DCLK2: variants seen among roughly 807,000 people sequenced by gnomAD.
The protein encoded by DCLK2 is doublecortin like kinase 2, also known as serine/threonine-protein kinase DCLK2.
Under a neutral mutation model 78.4 loss-of-function variants are expected in DCLK2, and 31 were observed. The observed-to-expected ratio is 0.40, with a 90% CI of 0.30 to 0.53. DCLK2 has a LOEUF of 0.53. DCLK2 is among the 20% of genes least tolerant of loss of function. The pLI is 0.61. For missense variants in DCLK2, 872 were observed against 973.7 expected, an observed-to-expected ratio of 0.90 and a Z score of 1.39; for synonymous variants, 407 against 374.9, an observed-to-expected ratio of 1.09 and a Z score of -0.99.
At chr4:150,160,804 T>C (rs542320801) in intron 2 of DCLK2, among the ~76,000 whole-genome samples, 4 of 152,208 alleles carry the variant, frequency 2.6e-5, no homozygotes, top group Non-Finnish European at 4.4e-5. Context: ...ATTTGTGTTA[T>C]TGGGTCATGG....
In DCLK2 at chr4:150,239,890, G is replaced by T; in HGVS notation, c.1700+15G>T. The stretch of plus-strand genomic sequence containing the variant: ...GCTGAAACTGGGTAAGACTTCTGGT[G>T]GCCCTGGTTAGTACTTTAACTTTGA... On this transcript the variant is annotated intron_variant, in intron 11 of 15. Transcript: ENST00000296550. The T allele has an allele frequency of 1.2e-6, 2 of 1,611,066 alleles. No individual in the cohort carries two copies. Among genetic ancestry groups the T allele is most frequent in the Non-Finnish European group, 1.7e-6 (2 of 1,179,090 alleles).
At chr4:150,137,166 T>C (rs1408275754) in intron 2 of DCLK2, among the ~76,000 whole-genome samples, 1 of 151,752 alleles carries the variant, frequency 6.6e-6, no homozygotes, top group Non-Finnish European at 1.5e-5. Flanking sequence ...CTTTAAATGG[T>C]GGCTGCAGCA....
chr4:150,101,913 C>T (rs888318138), intron 1 of DCLK2, among the ~76,000 whole-genome samples: 10 of 152,126 alleles, frequency 6.6e-5, no homozygotes, highest in Non-Finnish European at 1.2e-4. Context: ...CAGAACTCTT[C>T]CATAATGTTT....
At chr4:150,122,775 A>G (rs1412811115) in intron 2 of DCLK2, among the ~76,000 whole-genome samples, 1 of 152,214 alleles carries the variant, frequency 6.6e-6, no homozygotes, top group Non-Finnish European at 1.5e-5. Context: ...TGTTTAATGT[A>G]TACACCTTCA....
chr4:150,226,945 G>T (rs1741666989), intron 8 of DCLK2, among the ~76,000 whole-genome samples: 1 of 152,120 alleles, frequency 6.6e-6, no homozygotes, highest in Admixed American at 6.5e-5. Context: ...GCTATATACA[G>T]AAAATTAATA....
chr4:150,164,898 A>G (rs1430760345), intron 2 of DCLK2, among the ~76,000 whole-genome samples: 1 of 152,238 alleles, frequency 6.6e-6, no homozygotes, highest in Non-Finnish European at 1.5e-5. Flanking sequence ...ATATCATTGT[A>G]TAGGGTGAAA....
intron 2 of DCLK2, among the ~76,000 whole-genome samples, chr4:150,134,724 T>A (rs866116407): frequency 6.6e-6 from 1 of 152,326 alleles, no homozygotes; most frequent in Middle Eastern, 3.4e-3. Flanking sequence ...TCTTTCTGCC[T>A]TGTAAAAATC....
Position 150,232,675 on chromosome 4 carries a change from C to A in DCLK2, c.1420-7C>A. ...TGCTTTGATATGTTCTTTTATGTAT[C>A]GTTTAGGGTGGAGATCTCTTTGATG... On this transcript the variant is annotated splice_region_variant and splice_polypyrimidine_tract_variant and intron_variant, in intron 9 of 15. Transcript: ENST00000296550. 1 of 1,613,106 alleles carries A rather than the reference C, an allele frequency of 6.2e-7. No homozygotes were observed. Among genetic ancestry groups the A allele is most frequent in the Non-Finnish European group, 8.5e-7 (1 of 1,179,344 alleles).
chr4:150,249,447 G>A, intron 14 of DCLK2, 121 bp from the exon 15 acceptor site: 2 of 750,336 alleles, frequency 2.7e-6, no homozygotes, highest in East Asian at 2.5e-5. Context: ...GTGGCTAAGA[G>A]GGGCCCATTT....
chr4:150,255,622 G>C (rs888266218), intron 15 of DCLK2, among the ~76,000 whole-genome samples: 1 of 152,240 alleles, frequency 6.6e-6, no homozygotes, highest in African/African-American at 2.4e-5. Flanking sequence ...TTTTCAATCT[G>C]TGACAGAGAG....
chr4:150,226,691 G>A (rs924127616), intron 8 of DCLK2, among the ~76,000 whole-genome samples: 1 of 152,104 alleles, frequency 6.6e-6, no homozygotes, highest in Non-Finnish European at 1.5e-5. Flanking sequence ...ATTTTTTCTA[G>A]TCTGTGAATG....
chr4:150,244,044 C>T (rs1427454515), intron 12 of DCLK2, among the ~76,000 whole-genome samples: 1 of 152,050 alleles, frequency 6.6e-6, no homozygotes, highest in African/African-American at 2.4e-5. Context: ...AGCAATCCTC[C>T]TCCCTCAGCC....
chr4:150,256,130 C>A lies in DCLK2; in HGVS notation c.2184C>A (p.Ile728=), dbSNP rs904573161. Residue 728 remains isoleucine (I), a synonymous_variant, in exon 16 of 16, where the codon ATC becomes ATA. Transcript: ENST00000296550. ...CAGTTCCTCCCTCAGTGGAGGAGAT[C>A]CCTGTGCCTGGGGAAGCAGTCCCGG... The part of the protein sequence containing the change: ...ISPVPPSVEE[I]PVPGEAVPAP... 1.9e-6 allele frequency: 3 copies of A among 1,611,962 alleles called. No individual in the cohort carries two copies. The highest frequency in any genetic ancestry group is 8.5e-7 in the Non-Finnish European group (1 of 1,179,694).
intron 2 of DCLK2, among the ~76,000 whole-genome samples, chr4:150,163,509 TCCTTG>T (rs1560824450): frequency 1.3e-5 from 2 of 152,212 alleles, no homozygotes; most frequent in African/African-American, 2.4e-5. Context: ...AAGCCCAGGA[TCCTTG>T]CCCAACCGCC....
chr4:150,118,816 A>G (rs948251056), intron 2 of DCLK2, among the ~76,000 whole-genome samples: 1 of 152,106 alleles, frequency 6.6e-6, no homozygotes, highest in Non-Finnish European at 1.5e-5. Context: ...ACTTGAGGTC[A>G]GGATTTAGAG....
At chr4:150,094,530 G>T (rs1730325892) in intron 1 of DCLK2, among the ~76,000 whole-genome samples, 1 of 152,160 alleles carries the variant, frequency 6.6e-6, no homozygotes, top group Non-Finnish European at 1.5e-5. Context: ...GCCCGTAGAT[G>T]CCTTCAGTTG....
intron 12 of DCLK2, among the ~76,000 whole-genome samples, chr4:150,247,335 C>G (rs886991177): frequency 3.3e-5 from 5 of 152,146 alleles, no homozygotes; most frequent in African/African-American, 9.7e-5. Context: ...TCCATCTTCC[C>G]AAACCGAAAC....
rs776517388 is a variant in DCLK2, at chr4:150,079,092, G to A, written c.65G>A (p.Gly22Glu). 23 of 1,564,574 alleles carry A rather than the reference G, an allele frequency of 1.5e-5. No individual in the cohort carries two copies. Among genetic ancestry groups the A allele is most frequent in the Non-Finnish European group, 1.9e-5 (22 of 1,158,910 alleles). Reference sequence around the variant, plus strand: ...GAACGGGACAAAAGGCCGCGGCCGGGGTCGCGGAGAGGGGCCCCCAGCTCC... The same window carrying A: ...GAACGGGACAAAAGGCCGCGGCCGGAGTCGCGGAGAGGGGCCCCCAGCTCC... ...FEERDKRPRP[G>E]SRRGAPSSSG... is the part of the protein sequence containing the mutation. The change falls in exon 1 of 16, where the codon GGG (glycine) becomes GAG (glutamate). Residue 22 changes from glycine to glutamate, a missense_variant. Coordinates refer to ENST00000296550, the MANE Select transcript of DCLK2 (RefSeq NM_001040260.4).
intron 7 of DCLK2, 74 bp downstream of exon 7, chr4:150,221,859 A>G (rs1741211368): frequency 1.0e-6 from 1 of 1,000,874 alleles, no homozygotes; most frequent in Non-Finnish European, 1.5e-6. Context: ...CTACAGATAC[A>G]GTTTTCCTTG....
Sources: gnomAD v4.1 joint callset for allele counts (sites outside exome capture counted in the v4.1 genomes callset) on GRCh38, gnomAD v4.1.1 for gene constraint, MANE v1.5 for transcripts, NCBI Gene and HGNC (gene_info 2026-07-23, HGNC 2026-07-21) for gene names.